LHX4: variants seen among roughly 807,000 people sequenced by gnomAD.
LHX4 encodes the protein LIM homeobox 4, also known as LIM/homeobox protein Lhx4.
Under a neutral mutation model 39.2 loss-of-function variants are expected in LHX4, and 16 were observed. That is an observed-to-expected ratio of 0.41 (90% confidence interval 0.28 to 0.62). The LOEUF (loss-of-function observed/expected upper bound fraction) is 0.62, where lower values mean the gene tolerates loss of function less well. Among genes scored for constraint, LHX4 ranks in the 20% least tolerant of loss-of-function variants. The pLI is 0.33. For missense variants in LHX4, 439 were observed against 511.9 expected, an observed-to-expected ratio of 0.86 and a Z score of 1.37; for synonymous variants, 206 against 198.1, an observed-to-expected ratio of 1.04 and a Z score of -0.33.
intron 2 of LHX4, among the ~76,000 whole-genome samples, chr1:180,263,328 C>A (rs1648180863): frequency 6.6e-6 from 1 of 152,238 alleles, no homozygotes; most frequent in African/African-American, 2.4e-5. Context: ...GCCTTCTCAC[C>A]TGTGACTCTG....
intron 2 of LHX4, among the ~76,000 whole-genome samples, chr1:180,265,292 G>A (rs1168086330): frequency 3.3e-5 from 5 of 152,160 alleles, no homozygotes; most frequent in African/African-American, 4.8e-5. Context: ...GAATAATTAG[G>A]TTGATTGCTG....
rs559228308 is a variant in LHX4, at chr1:180,245,246, G to T, written c.77-3039G>T. 2.6e-5 allele frequency among the ~76,000 whole-genome samples: 4 copies of T among 152,330 alleles called. No individual in the cohort carries two copies. The South Asian group carries it at 8.3e-4, about 32-fold the overall frequency. ...CCCCCTTGCCCTTCATAACCCTCCTGACCTGAGTTGTCCCCTACTTTCTCC... is the reference window on the plus strand; with the variant it reads ...CCCCCTTGCCCTTCATAACCCTCCTTACCTGAGTTGTCCCCTACTTTCTCC... On this transcript the variant is annotated intron_variant, in intron 1 of 5. Coordinates refer to ENST00000263726, the MANE Select transcript of LHX4 (RefSeq NM_033343.4).
chr1:180,268,099 T>G (rs1648405877), intron 3 of LHX4, among the ~76,000 whole-genome samples: 1 of 152,214 alleles, frequency 6.6e-6, no homozygotes, highest in Non-Finnish European at 1.5e-5. Flanking sequence ...TGCTCTGGTT[T>G]CTTAAAACTC....
chr1:180,231,411 G>C (rs1220476890), intron 1 of LHX4, among the ~76,000 whole-genome samples: 2 of 151,936 alleles, frequency 1.3e-5, no homozygotes, highest in African/African-American at 4.8e-5. Flanking sequence ...AGCTCGCGGC[G>C]TGTTTATCCC....
In LHX4 at chr1:180,232,686, A is replaced by AG. The variant is rs1191846238; in HGVS notation, c.76+2081_76+2082insG. Among the ~76,000 whole-genome samples, 1 of 152,220 alleles carries AG rather than the reference A, an allele frequency of 6.6e-6. No individual in the cohort carries two copies. The highest frequency in any genetic ancestry group is 1.5e-5 in the Non-Finnish European group (1 of 68,044). ...GGATCCAGCTTTTATTTCCTCTTGG[A>AG]ATGTGAATGGATTGTAGCCTCCCTT... On this transcript the variant is annotated intron_variant, in intron 1 of 5. Transcript: ENST00000263726. The surrounding 1 kb of genome is among the most constrained non-coding windows in gnomAD (Gnocchi z 5.4).
At chr1:180,263,368 T>C (rs1339006258) in intron 2 of LHX4, among the ~76,000 whole-genome samples, 2 of 152,188 alleles carry the variant, frequency 1.3e-5, no homozygotes, top group African/African-American at 4.8e-5. Flanking sequence ...ATGGGGACAG[T>C]GTCTCCATCA....
intron 1 of LHX4, among the ~76,000 whole-genome samples, chr1:180,236,760 G>A (rs1664329819): frequency 6.6e-6 from 1 of 152,108 alleles, no homozygotes; most frequent in Non-Finnish European, 1.5e-5. Flanking sequence ...GAGCTGAGGA[G>A]CTTTGGGACG....
chr1:180,253,356 C>T (rs892316473), intron 2 of LHX4, among the ~76,000 whole-genome samples: 1 of 152,224 alleles, frequency 6.6e-6, no homozygotes, highest in Non-Finnish European at 1.5e-5. Context: ...CTGCCTTCCT[C>T]TGGAGCACAG....
At chr1:180,261,327 C>T (rs1486730088) in intron 2 of LHX4, among the ~76,000 whole-genome samples, 1 of 150,074 alleles carries the variant, frequency 6.7e-6, no homozygotes, top group Non-Finnish European at 1.5e-5. Context: ...CATGCCTGTA[C>T]ATGGATGGAA....
In LHX4 at chr1:180,232,068, C is replaced by G. The variant is rs1275827794; in HGVS notation, c.76+1463C>G. Among the ~76,000 whole-genome samples, 1 of 152,202 alleles carries G rather than the reference C, an allele frequency of 6.6e-6. No homozygotes were observed. The highest frequency in any genetic ancestry group is 1.5e-5 in the Non-Finnish European group (1 of 68,040). On this transcript the variant is annotated intron_variant, in intron 1 of 5. Coordinates refer to ENST00000263726, the MANE Select transcript of LHX4 (RefSeq NM_033343.4). This position sits in a 1 kb window ranked among gnomAD's most constrained non-coding sequence, Gnocchi z 5.4. ...TTTCATAGAAGGCATTGGAGATTCA[C>G]TACGCCCCACACCCCGCACACAGGC...
chr1:180,242,592 TATGCCTCGACTATGTCC>T (rs1664466958), intron 1 of LHX4, among the ~76,000 whole-genome samples: 1 of 152,180 alleles, frequency 6.6e-6, no homozygotes, highest in Admixed American at 6.5e-5. Context: ...GGCTTAGGTC[TATGCCTCGACTATGTCC>T]CTCTGCATGA....
At position 180,271,478 on chromosome 1, in the gene LHX4, C is replaced by A. The variant is rs2149266411; in HGVS notation, c.550C>A (p.Arg184=). 6.2e-7 allele frequency: 1 copy of A among 1,614,160 alleles called. No individual in the cohort carries two copies. ...NAYKNSPKPA[R]HVREQLSSET... is the part of the protein sequence containing the mutation. The stretch of plus-strand genomic sequence containing the variant: ...ATACAAGAACTCCCCCAAGCCTGCC[C>A]GGCACGTGAGGGAGCAGCTGTCCTC... Residue 184 remains arginine, a synonymous_variant, in exon 4 of 6, where the codon CGG becomes AGG. Transcript: ENST00000263726.
chr1:180,261,649 A>G (rs930003751), intron 2 of LHX4, among the ~76,000 whole-genome samples: 1 of 152,176 alleles, frequency 6.6e-6, no homozygotes, highest in African/African-American at 2.4e-5. Flanking sequence ...TCACCCCTAA[A>G]GAAAAGAGCT....
rs777438399 is a variant in LHX4, at chr1:180,234,169, TTATATATATATATA to T, written c.76+3603_76+3616del. Among the ~76,000 whole-genome samples, 2,113 of 53,438 alleles carry T rather than the reference TTATATATATATATA, an allele frequency of 0.04. 62 individuals are homozygous for T. Among genetic ancestry groups the T allele is most frequent in the Non-Finnish European group, 0.047 (1,333 of 28,396 alleles). 35.1% of individuals were successfully genotyped at this position (53,438 alleles called of 152,430 possible). On this transcript the variant is annotated intron_variant, in intron 1 of 5. Transcript: ENST00000263726. This position sits in a 1 kb window ranked among gnomAD's most constrained non-coding sequence, Gnocchi z 4.8. ...AACAGACACACACAACACACACAAA[TTATATATATATATA>T]TATATATATATATATATATATATAT... is the stretch of plus-strand genomic sequence containing the variant.
rs1421505869 is a variant in LHX4, at chr1:180,249,539, G to A, written c.248+1083G>A. 2.0e-5 allele frequency among the ~76,000 whole-genome samples: 3 copies of A among 152,310 alleles called. No individual in the cohort carries two copies. The East Asian group carries it at 5.8e-4, about 29-fold the overall frequency. ...GGGGCGCCAGGGAGGCTCGCCAAAG[G>A]CTGAACACACCCAGCCCAGATAACC... is the stretch of plus-strand genomic sequence containing the variant. On this transcript the variant is annotated intron_variant, in intron 2 of 5. Coordinates refer to ENST00000263726, the MANE Select transcript of LHX4 (RefSeq NM_033343.4).
At chr1:180,256,922 A>G (rs1647881688) in intron 2 of LHX4, among the ~76,000 whole-genome samples, 2 of 152,246 alleles carry the variant, frequency 1.3e-5, no homozygotes, top group African/African-American at 4.8e-5. Context: ...GCTGTCAGAA[A>G]GAAGGGAATA....
At chr1:180,271,071 C>T (rs901330733) in intron 3 of LHX4, 10 of 437,922 alleles carry the variant, frequency 2.3e-5, no homozygotes, top group South Asian at 1.0e-4. Flanking sequence ...ATGACAGGGA[C>T]GTGTGGAATT....
In LHX4 at chr1:180,260,270, T is replaced by TGGTA. The variant is rs1314959889; in HGVS notation, c.249-6121_249-6118dup. ...TACCAGCGTCTCAGTGACCCACTTG[T>TGGTA]GGTACATCATGCGGGTCTGCTCAGA... On this transcript the variant is annotated intron_variant, in intron 2 of 5. Coordinates refer to ENST00000263726, the MANE Select transcript of LHX4 (RefSeq NM_033343.4). Among the ~76,000 whole-genome samples the TGGTA allele has an allele frequency of 2.0e-5, 3 of 151,744 alleles. No homozygotes were observed. The East Asian group carries it at 5.8e-4, about 29-fold the overall frequency.
chr1:180,245,755 T>A (rs1647358567), intron 1 of LHX4, among the ~76,000 whole-genome samples: 2 of 152,126 alleles, frequency 1.3e-5, no homozygotes, highest in Non-Finnish European at 2.9e-5. Context: ...CATCACCCCC[T>A]TTTACAGGTG....
Sources: gnomAD v4.1 joint callset for allele counts (sites outside exome capture counted in the v4.1 genomes callset) on GRCh38, gnomAD v4.1.1 for gene constraint, Gnocchi (gnomAD v3.1) non-coding constraint, MANE v1.5 for transcripts, NCBI Gene and HGNC (gene_info 2026-07-23, HGNC 2026-07-21) for gene names.